The following ZNF483 variants were observed in gnomAD, a reference collection of about 807,000 sequenced individuals.
ZNF483 encodes the protein zinc finger protein HIT-10.
Under a neutral mutation model 28.6 loss-of-function variants are expected in ZNF483, and 9 were observed. The observed-to-expected ratio is 0.32, with a 90% CI of 0.19 to 0.55. The LOEUF (loss-of-function observed/expected upper bound fraction) is 0.55. ZNF483 is among the 20% of genes least tolerant of loss of function. ZNF483 has a pLI of 0.93. For synonymous variants in ZNF483, 322 were observed against 306.2 expected, an observed-to-expected ratio of 1.05 and a Z score of -0.54; for missense variants, 675 against 871.7, an observed-to-expected ratio of 0.77 and a Z score of 2.84.
Position 111,543,877 on chromosome 9 carries a change from C to A in ZNF483, c.*707C>A. 1.0e-6 allele frequency: 1 copy of A among 982,026 alleles called. No individual in the cohort carries two copies. The highest frequency in any genetic ancestry group is 4.7e-5 in the South Asian group (1 of 21,204). 60.8% of individuals were successfully genotyped at this position (982,026 alleles called of 1,614,324 possible). ...TCAAGTGATCCTTCCATCTCACTTT[C>A]CTGAGTAGCTGACATTACGGGTACA... On this transcript the variant is annotated 3_prime_UTR_variant, in exon 6 of 6. Coordinates refer to ENST00000309235, the MANE Select transcript of ZNF483 (RefSeq NM_133464.5).
At position 111,546,063 on chromosome 9, in the gene ZNF483, CA is replaced by C. The variant is rs1044326754; in HGVS notation, c.*2894del. ...CCCATTTCTCTACAGTCTTGCCAGT[CA>C]TTGTTGTCTGTTTTTTAAAAATTAT... is the stretch of plus-strand genomic sequence containing the variant. On this transcript the variant is annotated 3_prime_UTR_variant, in exon 6 of 6. Transcript: ENST00000309235. Among the ~76,000 whole-genome samples, 2 of 152,158 alleles carry C rather than the reference CA, an allele frequency of 1.3e-5. No homozygotes were observed. The highest frequency in any genetic ancestry group is 4.8e-5 in the African/African-American group (2 of 41,452).
At chr9:111,564,849 C>T (rs1010850470) in intron 5 of ZNF483, among the ~76,000 whole-genome samples, 2 of 151,960 alleles carry the variant, frequency 1.3e-5, no homozygotes, top group East Asian at 1.9e-4. Flanking sequence ...AGAGGCCGGG[C>T]GCAGTGGCTC....
chr9:111,551,242 A>C lies in ZNF483; in HGVS notation c.*8072A>C, dbSNP rs575330775. Among the ~76,000 whole-genome samples the C allele has an allele frequency of 6.6e-6, 1 of 151,962 alleles. No homozygotes were observed. Among genetic ancestry groups the C allele is most frequent in the South Asian group, 2.1e-4 (1 of 4,794 alleles). On this transcript the variant is annotated 3_prime_UTR_variant, in exon 6 of 6. Transcript: ENST00000309235. ...TTTGAAATCTGGTATGTAATGTGTT[A>C]ATCTACACACAAAATTTTCATTTGT...
At chr9:111,530,123 C>G (rs1044474640) in intron 2 of ZNF483, among the ~76,000 whole-genome samples, 57 of 152,240 alleles carry the variant, frequency 3.7e-4, no homozygotes, top group African/African-American at 1.1e-3. Context: ...GCTCCACCCC[C>G]CAACCTGTCA....
intron 2 of ZNF483, among the ~76,000 whole-genome samples, chr9:111,528,221 C>T (rs538321733): frequency 6.2e-4 from 95 of 152,292 alleles, no homozygotes; most frequent in African/African-American, 2.2e-3. Context: ...TAGAGGGTGG[C>T]TGTGAGTGTC....
chr9:111,557,310 G>A (rs1828152436), downstream of ZNF483, among the ~76,000 whole-genome samples: 1 of 151,748 alleles, frequency 6.6e-6, no homozygotes, highest in Non-Finnish European at 1.5e-5. Context: ...GGAGGCAGAG[G>A]TTGCAGTGAG....
At position 111,544,077 on chromosome 9, in the gene ZNF483, T is replaced by C; in HGVS notation, c.*907T>C. The C allele has an allele frequency of 6.1e-6, 6 of 985,452 alleles. No individual in the cohort carries two copies. The highest frequency in any genetic ancestry group is 7.2e-6 in the Non-Finnish European group (6 of 829,954). 61.0% of individuals were successfully genotyped at this position (985,452 alleles called of 1,614,324 possible). A position where few individuals can be genotyped will look rare whatever the true frequency, so the allele number is the denominator to read the frequency against. On this transcript the variant is annotated 3_prime_UTR_variant, in exon 6 of 6. Transcript: ENST00000309235. Reference sequence around the variant, plus strand: ...TAATCGGACAAGGGAACTCTTTTTCTTTTGGGCATTGGCCAACAGGACTGA... The same window carrying C: ...TAATCGGACAAGGGAACTCTTTTTCCTTTGGGCATTGGCCAACAGGACTGA...
At position 111,549,365 on chromosome 9, in the gene ZNF483, T is replaced by C. The variant is rs1827873347; in HGVS notation, c.*6195T>C. Among the ~76,000 whole-genome samples, 1 of 152,236 alleles carries C rather than the reference T, an allele frequency of 6.6e-6. No individual in the cohort carries two copies. The highest frequency in any genetic ancestry group is 6.5e-5 in the Admixed American group (1 of 15,280). On this transcript the variant is annotated 3_prime_UTR_variant, in exon 6 of 6. Transcript: ENST00000309235. Reference sequence around the variant, plus strand: ...TGTTAGTGTCTATAAAGGTCTGAACTAAGAAAGCTTCTCTCAAGCCACAAC... The same window carrying C: ...TGTTAGTGTCTATAAAGGTCTGAACCAAGAAAGCTTCTCTCAAGCCACAAC...
At chr9:111,527,957 A>AT in intron 2 of ZNF483, 150 bp downstream of exon 2, 1 of 1,533,794 alleles carries the variant, frequency 6.5e-7, no homozygotes, top group Non-Finnish European at 8.8e-7. Context: ...TTACTGTGTG[A>AT]TTTTGGGCAA....
chr9:111,527,494 T>A lies in ZNF483; in HGVS notation c.99T>A (p.Thr33=). Residue 33 remains threonine, a synonymous_variant, in exon 2 of 6, where the codon ACT becomes ACA. Transcript: ENST00000309235. Reference sequence around the variant, plus strand: ...AAAATGAGGTCCCAAGAGTGGTTACTTCTGGGGAACAAGAAGCTATTTTAA... The same window carrying A: ...AAAATGAGGTCCCAAGAGTGGTTACATCTGGGGAACAAGAAGCTATTTTAA... ...TEQNEVPRVV[T]SGEQEAILRG... 1 of 1,614,230 alleles carries A rather than the reference T, an allele frequency of 6.2e-7. No homozygotes were observed. Among genetic ancestry groups the A allele is most frequent in the Non-Finnish European group, 8.5e-7 (1 of 1,180,036 alleles).
Position 111,550,248 on chromosome 9 carries a change from A to G in ZNF483, c.*7078A>G, listed in dbSNP as rs944268365. Among the ~76,000 whole-genome samples, 1 of 152,220 alleles carries G rather than the reference A, an allele frequency of 6.6e-6. No homozygotes were observed. The highest frequency in any genetic ancestry group is 6.5e-5 in the Admixed American group (1 of 15,284). ...CAGTTTTTTGAATGTCCAGAAAAAC[A>G]GGTTTCATCCCTTTTTTCTCCTGGA... On this transcript the variant is annotated 3_prime_UTR_variant, in exon 6 of 6. Transcript: ENST00000309235.
Position 111,527,586 on chromosome 9 carries a change from C to G in ZNF483, c.191C>G (p.Ala64Gly), listed in dbSNP as rs1401709464. 4 of 1,614,228 alleles carry G rather than the reference C, an allele frequency of 2.5e-6. No individual in the cohort carries two copies. The highest frequency in any genetic ancestry group is 3.4e-6 in the Non-Finnish European group (4 of 1,180,040). Reference sequence around the variant, plus strand: ...AGGTGGTTTTGTTACTCAGAAGTAGCTGGACCCAGGAAAGCTCTGAGTCAA... The same window carrying G: ...AGGTGGTTTTGTTACTCAGAAGTAGGTGGACCCAGGAAAGCTCTGAGTCAA... ...RFRWFCYSEV[A>G]GPRKALSQLW... The change falls in exon 2 of 6, where the codon GCT becomes GGT. Residue 64 changes from alanine to glycine, a missense_variant. Ala to Gly is a moderately conservative substitution (Grantham distance 60). Around this residue, in one of 6 missense-constraint regions of ZNF483, gnomAD observed 525 missense variants for 581.8 expected, o/e 0.90. Transcript: ENST00000309235.
chr9:111,561,438 A>T (rs1388383691), intron 5 of ZNF483, among the ~76,000 whole-genome samples: 1 of 151,788 alleles, frequency 6.6e-6, no homozygotes, highest in Non-Finnish European at 1.5e-5. Flanking sequence ...ATGCCCAGCT[A>T]ATTTGAAAAT....
At chr9:111,534,212 C>G (rs1030543541) in intron 4 of ZNF483, 49 bp from the exon 5 acceptor site, 1 of 1,495,804 alleles carries the variant, frequency 6.7e-7, no homozygotes, top group Non-Finnish European at 9.3e-7. Context: ...GCTGGGATAT[C>G]TTTACTCTAT....
chr9:111,574,113 T>C (rs1828952331), intron 5 of ZNF483: 1 of 152,210 alleles, frequency 6.6e-6, no homozygotes, highest in African/African-American at 2.4e-5. Context: ...GCAATGTCTC[T>C]AATATCCAGA....
At chr9:111,525,717 C>G (rs996318608) in intron 1 of ZNF483, among the ~76,000 whole-genome samples, 1 of 152,102 alleles carries the variant, frequency 6.6e-6, no homozygotes, top group Admixed American at 6.5e-5. Context: ...TTCACCGGGC[C>G]TCCTATGTAA....
intron 3 of ZNF483, among the ~76,000 whole-genome samples, chr9:111,532,880 G>A (rs894391529): frequency 6.6e-6 from 1 of 151,166 alleles, no homozygotes; most frequent in African/African-American, 2.4e-5. Flanking sequence ...CTGCACTCCA[G>A]CCTGGGCAAC....
chr9:111,544,457 C>A lies in ZNF483; in HGVS notation c.*1287C>A, dbSNP rs931414205. Reference sequence around the variant, plus strand: ...TAAAAAAAATTATAAGGGCTAACAACACTGGGCTTTTATTTATGTAAAGCA... The same window carrying A: ...TAAAAAAAATTATAAGGGCTAACAAAACTGGGCTTTTATTTATGTAAAGCA... On this transcript the variant is annotated 3_prime_UTR_variant, in exon 6 of 6. Transcript: ENST00000309235. 8.1e-6 allele frequency: 6 copies of A among 744,160 alleles called. No individual in the cohort carries two copies. In the Admixed American group the frequency reaches 1.9e-4, roughly 23 times the overall value. 46.1% of individuals were successfully genotyped at this position (744,160 alleles called of 1,614,324 possible).
chr9:111,569,218 A>T (rs7026971), intron 5 of ZNF483, among the ~76,000 whole-genome samples: 10,211 of 152,266 alleles, frequency 0.067, 573 homozygotes, highest in African/African-American at 0.14. Context: ...AGACGAGCTA[A>T]CTAAGGGATA....
Sources: allele counts gnomAD v4.1 joint callset (sites outside exome capture counted in the v4.1 genomes callset), GRCh38; gene constraint gnomAD v4.1.1; regional missense constraint gnomAD v4.1.1; transcripts MANE v1.5; gene names NCBI Gene and HGNC (gene_info 2026-07-23, HGNC 2026-07-21).